PCNX4: variants seen among roughly 807,000 people sequenced by gnomAD.
PCNX4 encodes pecanex-like protein 4.
A neutral mutation model predicts 107.2 loss-of-function variants in PCNX4; 103 were observed. That is an observed-to-expected ratio of 0.96 (90% confidence interval 0.82 to 1.13). The LOEUF is 1.13. PCNX4 is among the 50% of genes most tolerant of loss of function. PCNX4 has a pLI of 0.00. For missense variants in PCNX4, 1,528 were observed against 1,379.4 expected, an observed-to-expected ratio of 1.11 and a Z score of -1.71; for synonymous variants, 541 against 481.7, an observed-to-expected ratio of 1.12 and a Z score of -1.61.
chr14:60,101,789 A>T (rs1440700992), intron 1 of PCNX4, among the ~76,000 whole-genome samples: 4 of 152,214 alleles, frequency 2.6e-5, no homozygotes, highest in Non-Finnish European at 4.4e-5. Context: ...GATAAAAGTG[A>T]TAGTTGCCCT....
At position 60,134,508 on chromosome 14, in the gene PCNX4, T is replaced by C. The variant is rs1349811077; in HGVS notation, c.*287T>C. 2 of 328,850 alleles carry C rather than the reference T, an allele frequency of 6.1e-6. No individual in the cohort carries two copies. Among genetic ancestry groups the C allele is most frequent in the Non-Finnish European group, 1.1e-5 (2 of 181,000 alleles). 20.4% of individuals were successfully genotyped at this position (328,850 alleles called of 1,614,324 possible). Reference sequence around the variant, plus strand: ...AAACTTTTGTAGAATTATCATATAATGAATTTTGTAATGCTTTCTTAAATG... The same window carrying C: ...AAACTTTTGTAGAATTATCATATAACGAATTTTGTAATGCTTTCTTAAATG... On this transcript the variant is annotated 3_prime_UTR_variant, in exon 11 of 11. Coordinates refer to ENST00000406854, the MANE Select transcript of PCNX4 (RefSeq NM_001330177.2).
At chr14:60,107,381 A>G (rs189473542) in intron 1 of PCNX4, among the ~76,000 whole-genome samples, 1 of 152,308 alleles carries the variant, frequency 6.6e-6, no homozygotes, top group African/African-American at 2.4e-5. Context: ...CCTCTCTCAA[A>G]AAATAAAATA....
At chr14:60,102,406 T>C (rs1478291884) in intron 1 of PCNX4, among the ~76,000 whole-genome samples, 1 of 152,180 alleles carries the variant, frequency 6.6e-6, no homozygotes, top group African/African-American at 2.4e-5. Context: ...GTGGCCACTT[T>C]TTGTTGTTTT....
intron 1 of PCNX4, among the ~76,000 whole-genome samples, chr14:60,103,564 T>G (rs1263783545): frequency 1.3e-5 from 2 of 152,204 alleles, no homozygotes; most frequent in Non-Finnish European, 2.9e-5. Flanking sequence ...TCTCCCATGC[T>G]TCTTAGGCTT....
At chr14:60,110,035 G>C (rs1217565039) in intron 2 of PCNX4, 1 of 167,074 alleles carries the variant, frequency 6.0e-6, no homozygotes, top group Non-Finnish European at 1.5e-5. Flanking sequence ...TGAAGATTTG[G>C]AAAATTTTCA....
chr14:60,107,101 G>C (rs1278501920), intron 1 of PCNX4, among the ~76,000 whole-genome samples: 1 of 152,104 alleles, frequency 6.6e-6, no homozygotes, highest in African/African-American at 2.4e-5. Context: ...TAAAAAACAA[G>C]GCTGAGCACA....
intron 1 of PCNX4, among the ~76,000 whole-genome samples, chr14:60,092,852 C>T (rs547871408): frequency 1.3e-5 from 2 of 152,376 alleles, no homozygotes; most frequent in African/African-American, 4.8e-5. Context: ...CCTCTTGTCT[C>T]TCCAGGACCA....
intron 1 of PCNX4, 116 bp downstream of exon 1, chr14:60,092,535 G>A (rs1176175166): frequency 6.6e-6 from 1 of 152,182 alleles, no homozygotes; most frequent in East Asian, 1.9e-4. Context: ...CATATTTTTC[G>A]TTTTTCGTTG....
In PCNX4 at chr14:60,124,316, T is replaced by C. The variant is rs1896007400; in HGVS notation, c.2145T>C (p.Cys715=). Residue 715 remains cysteine, a synonymous_variant, in exon 9 of 11, where the codon TGT becomes TGC. Coordinates refer to ENST00000406854, the MANE Select transcript of PCNX4 (RefSeq NM_001330177.2). ...DAFEQEYTRV[C]SLNEHFGNVL... is the part of the protein sequence containing the mutation. ...TTGAGCAAGAATACACAAGAGTATG[T>C]TCCCTTAATGAACACTTTGGAAATG... 1.2e-6 allele frequency: 2 copies of C among 1,611,644 alleles called. No individual in the cohort carries two copies. The highest frequency in any genetic ancestry group is 8.5e-7 in the Non-Finnish European group (1 of 1,178,700).
Position 60,147,145 on chromosome 14 carries a change from A to C in PCNX4, c.*12924A>C, listed in dbSNP as rs1445116094. On this transcript the variant is annotated 3_prime_UTR_variant, in exon 11 of 11. Coordinates refer to ENST00000406854, the MANE Select transcript of PCNX4 (RefSeq NM_001330177.2). ...CTACTCAGGAGGCTGGGGTGGGAGG[A>C]TTGCTTGAGCCTGGGAGGTAGAGAT... 6.6e-6 allele frequency: 1 copy of C among 152,050 alleles called. No homozygotes were observed. The highest frequency in any genetic ancestry group is 1.9e-4 in the East Asian group (1 of 5,178). The allele number at this position is 152,050 out of a possible 1,614,324, so 9.4% of individuals were successfully genotyped here. A position where few individuals can be genotyped will look rare whatever the true frequency, so the allele number is the denominator to read the frequency against.
At chr14:60,125,387 T>C (rs1318513924) in intron 9 of PCNX4, 136 bp downstream of exon 9, 4 of 1,005,022 alleles carry the variant, frequency 4.0e-6, no homozygotes, top group African/African-American at 1.7e-5. Context: ...AAATGTTTCA[T>C]GTGTAGTGTG....
Position 60,108,275 on chromosome 14 carries a change from C to T in PCNX4, c.637C>T (p.Leu213Phe), listed in dbSNP as rs1895670050. The change falls in exon 2 of 11, where the codon CTT becomes TTT. Residue 213 changes from leucine (L) to phenylalanine (F), a missense_variant. Leu to Phe is a conservative substitution (Grantham distance 22). Transcript: ENST00000406854. The stretch of plus-strand genomic sequence containing the variant: ...ACAGGATACTTATGAAATTATTCCT[C>T]TTATGAGACCTCTTTATATTTTTTT... The part of the protein sequence containing the change: ...QTQDTYEIIP[L>F]MRPLYIFFFV... 3 of 1,611,524 alleles carry T rather than the reference C, an allele frequency of 1.9e-6. No individual in the cohort carries two copies. The highest frequency in any genetic ancestry group is 4.5e-5 in the East Asian group (2 of 44,888).
Position 60,104,378 on chromosome 14 carries a change from G to A in PCNX4, c.-53-3208G>A, listed in dbSNP as rs537488157. Among the ~76,000 whole-genome samples the A allele has an allele frequency of 4.0e-5, 6 of 148,432 alleles. No individual in the cohort carries two copies. In the East Asian group the frequency reaches 7.9e-4, roughly 20 times the overall value. On this transcript the variant is annotated intron_variant, in intron 1 of 10. Coordinates refer to ENST00000406854, the MANE Select transcript of PCNX4 (RefSeq NM_001330177.2). ...AAAATGGTAAATACTCCCAGCTTCCGTTTAAGACAGCAATATGTCATATTT... is the reference window on the plus strand; with the variant it reads ...AAAATGGTAAATACTCCCAGCTTCCATTTAAGACAGCAATATGTCATATTT...
rs1896238150 is a variant in PCNX4, at chr14:60,136,209, T to C, written c.*1988T>C. 1.3e-5 allele frequency: 2 copies of C among 152,232 alleles called. No individual in the cohort carries two copies. Among genetic ancestry groups the C allele is most frequent in the Non-Finnish European group, 2.9e-5 (2 of 68,048 alleles). 9.4% of individuals were successfully genotyped at this position (152,232 alleles called of 1,614,324 possible). A position where few individuals can be genotyped will look rare whatever the true frequency, so the allele number is the denominator to read the frequency against. Reference sequence around the variant, plus strand: ...TGACCATTCCTTGAAGCAGCTTTTGTGTTTTCTTTTGAACTTTCCTGACAC... The same window carrying C: ...TGACCATTCCTTGAAGCAGCTTTTGCGTTTTCTTTTGAACTTTCCTGACAC... On this transcript the variant is annotated 3_prime_UTR_variant, in exon 11 of 11. Transcript: ENST00000406854.
At chr14:60,126,770 G>T (rs1222597820) in intron 10 of PCNX4, among the ~76,000 whole-genome samples, 2 of 152,152 alleles carry the variant, frequency 1.3e-5, no homozygotes, top group Non-Finnish European at 2.9e-5. Context: ...ATTCCCTTCT[G>T]GCCAACCGCA....
Position 60,139,561 on chromosome 14 carries a change from AC to A in PCNX4, c.*5341del, listed in dbSNP as rs1357970702. 2 of 152,172 alleles carry A rather than the reference AC, an allele frequency of 1.3e-5. No homozygotes were observed. Among genetic ancestry groups the A allele is most frequent in the African/African-American group, 4.8e-5 (2 of 41,466 alleles). 9.4% of individuals were successfully genotyped at this position (152,172 alleles called of 1,614,324 possible). ...AACAGAACAGCAGCCATGCAAAAAT[AC>A]GTAAATATGTAAAGATTGGAATAAT... On this transcript the variant is annotated 3_prime_UTR_variant, in exon 11 of 11. Transcript: ENST00000406854.
In PCNX4 at chr14:60,115,756, C is replaced by T. The variant is rs1276901310; in HGVS notation, c.1395C>T (p.Asp465=). Residue 465 remains aspartate (D), a synonymous_variant, in exon 5 of 11, where the codon GAC becomes GAT. Transcript: ENST00000406854. The stretch of plus-strand genomic sequence containing the variant: ...CCATGATAGCATTTCTTTCATTGGA[C>T]AGTTCCTTACAAGGGCTCCACTCAG... ...PFAMIAFLSL[D]SSLQGLHSVS... 5 of 1,613,372 alleles carry T rather than the reference C, an allele frequency of 3.1e-6. No homozygotes were observed. Among genetic ancestry groups the T allele is most frequent in the Non-Finnish European group, 4.2e-6 (5 of 1,179,500 alleles).
intron 7 of PCNX4, among the ~76,000 whole-genome samples, chr14:60,119,184 T>G (rs948996822): frequency 2.6e-5 from 4 of 152,164 alleles, no homozygotes; most frequent in Non-Finnish European, 5.9e-5. Flanking sequence ...AAAACTTCGG[T>G]CAGTGATCAG....
At chr14:60,118,221 A>C in intron 6 of PCNX4, 108 bp from the exon 7 acceptor site, 1 of 1,316,984 alleles carries the variant, frequency 7.6e-7, no homozygotes, top group Non-Finnish European at 9.8e-7. Context: ...ATTTCTTCAA[A>C]AATACTGGGG....
Sources: gnomAD v4.1 joint callset for allele counts (sites outside exome capture counted in the v4.1 genomes callset) on GRCh38, gnomAD v4.1.1 for gene constraint, MANE v1.5 for transcripts, NCBI Gene and HGNC (gene_info 2026-07-23, HGNC 2026-07-21) for gene names.